Variants in IL1RAPL2 observed in about 807,000 individuals in gnomAD.
IL1RAPL2 encodes interleukin 1 receptor accessory protein like 2.
A neutral mutation model predicts 44.1 loss-of-function variants in IL1RAPL2; 3 were observed. The observed-to-expected ratio is 0.07, with a 90% CI of 0.03 to 0.18. The LOEUF (loss-of-function observed/expected upper bound fraction) is 0.18. Among genes scored for constraint, IL1RAPL2 ranks in the 10% least tolerant of loss-of-function variants. IL1RAPL2 has a pLI of 1.00. For synonymous variants in IL1RAPL2, 181 were observed against 178.8 expected (o/e 1.01, Z -0.10); for missense variants, 391 against 496.4 (o/e 0.79, Z 2.02).
intron 3 of IL1RAPL2, among the ~76,000 whole-genome samples, chrX:105,220,981 G>A (rs1384752565): frequency 8.9e-6 from 1 of 112,075 alleles, no homozygotes; most frequent in Non-Finnish European, 1.9e-5. Context: ...CCCCCCTAGA[G>A]GTTGAAGGGG....
chrX:104,724,979 G>C (rs908344749), intron 2 of IL1RAPL2, among the ~76,000 whole-genome samples: 13 of 111,152 alleles, frequency 1.2e-4, no homozygotes, highest in African/African-American at 3.9e-4. Context: ...GTGGTTTGCT[G>C]CACCCATCAA....
At chrX:104,687,900 A>G (rs1182502418) in intron 2 of IL1RAPL2, among the ~76,000 whole-genome samples, 1 of 111,305 alleles carries the variant, frequency 9.0e-6, no homozygotes, top group Non-Finnish European at 1.9e-5. Context: ...GTAAACTCCT[A>G]TCTATGCTGC....
intron 6 of IL1RAPL2, among the ~76,000 whole-genome samples, chrX:105,543,100 G>C (rs1050783571): frequency 3.6e-5 from 4 of 111,625 alleles, no homozygotes; most frequent in Admixed American, 9.5e-5. Context: ...TGCTCTCTCT[G>C]TAAGTAAATA....
intron 2 of IL1RAPL2, among the ~76,000 whole-genome samples, chrX:104,694,574 T>C (rs775221744): frequency 9.0e-6 from 1 of 111,417 alleles, no homozygotes; most frequent in South Asian, 3.8e-4. Flanking sequence ...GTAAAGACCT[T>C]TAGAAGGTGA....
chrX:104,912,171 T>TGTTTG (rs1281208759), intron 2 of IL1RAPL2, among the ~76,000 whole-genome samples: 1 of 109,772 alleles, frequency 9.1e-6, no homozygotes, highest in South Asian at 3.9e-4. Context: ...TGTTTTGTTT[T>TGTTTG]GTTTTGTTTT....
chrX:105,746,017 G>T (rs1206151376), intron 8 of IL1RAPL2, among the ~76,000 whole-genome samples: 1 of 111,876 alleles, frequency 8.9e-6, no homozygotes, highest in Non-Finnish European at 1.9e-5. Context: ...TTGGGGGTTA[G>T]GTTACAACAT....
intron 1 of IL1RAPL2, among the ~76,000 whole-genome samples, chrX:104,621,321 A>G (rs1392938149): frequency 9.2e-6 from 1 of 108,627 alleles, no homozygotes; most frequent in Non-Finnish European, 1.9e-5. Flanking sequence ...ATAATATTAC[A>G]TCTCAGCAGT....
chrX:105,028,151 A>G (rs1047647821), intron 2 of IL1RAPL2, among the ~76,000 whole-genome samples: 8 of 111,237 alleles, frequency 7.2e-5, no homozygotes, highest in South Asian at 3.8e-4. Context: ...GGACATAGAG[A>G]GTAGAAGTAC....
chrX:104,610,748 T>A (rs1206392210), intron 1 of IL1RAPL2, among the ~76,000 whole-genome samples: 1 of 111,892 alleles, frequency 8.9e-6, no homozygotes, highest in African/African-American at 3.3e-5. Context: ...AAGCTACCAA[T>A]GACTTTCTTC....
chrX:105,254,799 A>G (rs2034301509), intron 4 of IL1RAPL2, among the ~76,000 whole-genome samples: 2 of 112,212 alleles, frequency 1.8e-5, no homozygotes, highest in Non-Finnish European at 3.8e-5. Context: ...AGCATCATTT[A>G]TTGAAAAGGG....
At chrX:105,715,657 G>T (rs144045594) in intron 6 of IL1RAPL2, among the ~76,000 whole-genome samples, 1 of 111,398 alleles carries the variant, frequency 9.0e-6, no homozygotes, top group African/African-American at 3.3e-5. Context: ...GATATTCAGG[G>T]TACATGGGCT....
At chrX:105,225,689 A>AT (rs1407155501) in intron 3 of IL1RAPL2, among the ~76,000 whole-genome samples, 6 of 106,952 alleles carry the variant, frequency 5.6e-5, no homozygotes, top group Admixed American at 2.0e-4. Context: ...ATTTTATTTT[A>AT]TTTTATTTTT....
At chrX:105,238,751 G>A (rs138582742) in intron 4 of IL1RAPL2, among the ~76,000 whole-genome samples, 2,215 of 110,241 alleles carry the variant, frequency 0.02, 62 homozygotes, top group African/African-American at 0.07. Flanking sequence ...CCCCCTTTTT[G>A]TCAGGTTCTC....
chrX:104,873,719 A>T (rs2147653791), intron 2 of IL1RAPL2, among the ~76,000 whole-genome samples: 1 of 111,772 alleles, frequency 8.9e-6, no homozygotes, highest in South Asian at 3.8e-4. Context: ...TCCAGACATG[A>T]TGAAAAAGAG....
intron 2 of IL1RAPL2, among the ~76,000 whole-genome samples, chrX:104,746,913 A>G (rs1205055704): frequency 9.0e-6 from 1 of 111,347 alleles, no homozygotes; most frequent in Non-Finnish European, 1.9e-5. Context: ...AGTGGTTCAC[A>G]GAATTTGGAA....
chrX:105,473,408 CTAAG>C (rs1390022017), intron 5 of IL1RAPL2, among the ~76,000 whole-genome samples: 2 of 111,821 alleles, frequency 1.8e-5, no homozygotes, highest in African/African-American at 3.3e-5. Context: ...AGATCCCAAA[CTAAG>C]TAAGTCTTTA....
At chrX:105,428,291 A>G (rs2035824857) in intron 5 of IL1RAPL2, among the ~76,000 whole-genome samples, 1 of 112,005 alleles carries the variant, frequency 8.9e-6, no homozygotes, top group Non-Finnish European at 1.9e-5. Context: ...AAACAAATAT[A>G]GTAGCTTTCT....
chrX:104,854,652 AT>A (rs371393922), intron 2 of IL1RAPL2, among the ~76,000 whole-genome samples: 3,042 of 100,319 alleles, frequency 0.03, 47 homozygotes, highest in African/African-American at 0.061. Flanking sequence ...AAGAGAAAGA[AT>A]TTTTTTTTTT....
intron 6 of IL1RAPL2, among the ~76,000 whole-genome samples, chrX:105,555,258 T>C (rs2036888746): frequency 9.1e-6 from 1 of 110,426 alleles, no homozygotes; most frequent in African/African-American, 3.3e-5. Flanking sequence ...CTTTAATCTC[T>C]GTCTCTTCAA....
Sources: allele counts gnomAD v4.1 joint callset (sites outside exome capture counted in the v4.1 genomes callset), GRCh38; gene constraint gnomAD v4.1.1; transcripts MANE v1.5; gene names NCBI Gene and HGNC (gene_info 2026-07-23, HGNC 2026-07-21).